Variants in PRIM2 observed in about 807,000 individuals in gnomAD.
PRIM2 encodes the protein DNA primase large subunit.
In PRIM2, 39 loss-of-function variants were observed where a neutral mutation model predicts 67.3. The ratio of observed to expected loss-of-function variants is 0.58; its 90% CI spans 0.45 to 0.76. PRIM2 has a LOEUF of 0.76. Among genes scored for constraint, PRIM2 ranks in the 30% least tolerant of loss-of-function variants. The pLI is 0.00. For synonymous variants in PRIM2, 143 were observed against 198.7 expected (o/e 0.72, Z 2.36); for missense variants, 398 against 598.7 (o/e 0.66, Z 3.50).
chr6:57,348,816 C>T (rs1329365199), intron 5 of PRIM2, among the ~76,000 whole-genome samples: 7 of 146,434 alleles, frequency 4.8e-5, no homozygotes, highest in African/African-American at 1.5e-4. Flanking sequence ...GGCGCGATCT[C>T]GGCTCACTGC....
At chr6:57,296,271 C>G in the PRIM2 span, among the ~76,000 whole-genome samples, 1 of 150,964 alleles carries the variant, frequency 6.6e-6, no homozygotes, top group African/African-American at 2.4e-5. Context: ...AAATATTGTA[C>G]TTTAGCTAGT....
chr6:57,624,173 T>G (rs1346331415), intron 12 of PRIM2, among the ~76,000 whole-genome samples: 2 of 152,198 alleles, frequency 1.3e-5, no homozygotes, highest in Non-Finnish European at 2.9e-5. Flanking sequence ...AACTGAGGTT[T>G]GACAACATGT....
intron 11 of PRIM2, among the ~76,000 whole-genome samples, chr6:57,603,974 T>G (rs1409800886): frequency 5.3e-5 from 8 of 152,198 alleles, no homozygotes; most frequent in Non-Finnish European, 8.8e-5. Flanking sequence ...GTTTTTGATT[T>G]GGCTGTCAGC....
intron 10 of PRIM2, among the ~76,000 whole-genome samples, chr6:57,550,991 G>T (rs1372881226): frequency 6.6e-6 from 1 of 152,144 alleles, no homozygotes; most frequent in Non-Finnish European, 1.5e-5. Context: ...TTAACAACCT[G>T]TTGTGTGTTT....
chr6:57,355,830 A>T (rs974582681), intron 5 of PRIM2, among the ~76,000 whole-genome samples: 1 of 151,452 alleles, frequency 6.6e-6, no homozygotes, highest in Non-Finnish European at 1.5e-5. Flanking sequence ...TTCTGTAGAG[A>T]TGGGTTTTGC....
At chr6:57,614,148 G>A (rs1352090155) in intron 12 of PRIM2, among the ~76,000 whole-genome samples, 3 of 152,190 alleles carry the variant, frequency 2.0e-5, no homozygotes, top group African/African-American at 7.2e-5. Context: ...CAGATCAGTG[G>A]CCATGTTAGA....
At chr6:57,589,573 A>T (rs1219039393) in intron 10 of PRIM2, among the ~76,000 whole-genome samples, 1 of 152,136 alleles carries the variant, frequency 6.6e-6, no homozygotes, top group South Asian at 2.1e-4. Context: ...CTGAGATTTG[A>T]ATTATTTAGC....
At chr6:57,635,790 G>A (rs1360161237) in intron 13 of PRIM2, among the ~76,000 whole-genome samples, 1 of 152,122 alleles carries the variant, frequency 6.6e-6, no homozygotes, top group East Asian at 1.9e-4. Context: ...TTGGATCACT[G>A]CAATAGCTTC....
chr6:57,280,676 A>G, the PRIM2 span, among the ~76,000 whole-genome samples: 2 of 151,926 alleles, frequency 1.3e-5, no homozygotes, highest in Non-Finnish European at 2.9e-5. Flanking sequence ...CGCCTGGCTA[A>G]TCTTTGTAGT....
intron 5 of PRIM2, among the ~76,000 whole-genome samples, chr6:57,363,897 A>C (rs1371871190): frequency 6.6e-6 from 1 of 152,058 alleles, no homozygotes; most frequent in African/African-American, 2.4e-5. Flanking sequence ...ACTGTATTTT[A>C]GGTCTTCTTA....
the PRIM2 span, among the ~76,000 whole-genome samples, chr6:57,295,347 A>T: frequency 1.0e-3 from 157 of 150,398 alleles, no homozygotes; most frequent in African/African-American, 3.5e-3. Flanking sequence ...GAATTTTATA[A>T]AAAAAAAAAT....
chr6:57,522,869 G>A (rs1318014780), intron 8 of PRIM2, among the ~76,000 whole-genome samples: 3 of 152,086 alleles, frequency 2.0e-5, no homozygotes, highest in Non-Finnish European at 4.4e-5. Context: ...AATCTCTACT[G>A]TTTAAGTTGA....
intron 10 of PRIM2, among the ~76,000 whole-genome samples, chr6:57,574,370 A>G (rs1487891178): frequency 1.4e-4 from 22 of 151,870 alleles, no homozygotes; most frequent in Admixed American, 9.8e-4. Flanking sequence ...TTTCACTACT[A>G]TTGCCTCCCA....
At chr6:57,579,511 G>C (rs1340179312) in intron 10 of PRIM2, among the ~76,000 whole-genome samples, 71 of 152,196 alleles carry the variant, frequency 4.7e-4, no homozygotes, top group African/African-American at 1.7e-3. Context: ...AATCTAATAA[G>C]TGAAACATCT....
At chr6:57,389,014 G>A (rs1191870084) in intron 7 of PRIM2, among the ~76,000 whole-genome samples, 1 of 152,226 alleles carries the variant, frequency 6.6e-6, no homozygotes, top group Non-Finnish European at 1.5e-5. Context: ...TTCATTTGTT[G>A]TTAGAAAATG....
chr6:57,527,779 C>T (rs1276110581), intron 8 of PRIM2, among the ~76,000 whole-genome samples: 1 of 152,102 alleles, frequency 6.6e-6, no homozygotes, highest in Non-Finnish European at 1.5e-5. Context: ...TTATTATCAC[C>T]TCCTCTAATG....
chr6:57,637,056 A>G (rs1157526815), intron 13 of PRIM2, among the ~76,000 whole-genome samples: 4 of 152,200 alleles, frequency 2.6e-5, no homozygotes, highest in African/African-American at 9.6e-5. Flanking sequence ...TTCCAGAGGA[A>G]GGAACAGGGC....
intron 10 of PRIM2, among the ~76,000 whole-genome samples, chr6:57,552,029 T>C (rs1188748256): frequency 2.6e-5 from 4 of 152,126 alleles, no homozygotes; most frequent in Admixed American, 1.3e-4. Context: ...TAACAGACAC[T>C]GGATCTTAAA....
the PRIM2 span, among the ~76,000 whole-genome samples, chr6:57,301,319 C>T: frequency 6.6e-6 from 1 of 152,044 alleles, no homozygotes; most frequent in African/African-American, 2.4e-5. Context: ...GAAACCCCAT[C>T]TCTATTAAAA....
Sources: allele counts gnomAD v4.1 joint callset (sites outside exome capture counted in the v4.1 genomes callset), GRCh38; gene constraint gnomAD v4.1.1; transcripts MANE v1.5; gene names NCBI Gene and HGNC (gene_info 2026-07-23, HGNC 2026-07-21).